The following ATP11A variants were observed in gnomAD, a reference collection of about 807,000 sequenced individuals.
The protein encoded by ATP11A is phospholipid-transporting ATPase IH.
Under a neutral mutation model 154.4 loss-of-function variants are expected in ATP11A, and 81 were observed. The observed-to-expected ratio is 0.52, with a 90% CI of 0.44 to 0.63. ATP11A has a LOEUF of 0.63. ATP11A is among the 30% of genes least tolerant of loss of function. ATP11A has a pLI of 0.00. For missense variants in ATP11A, 1,316 were observed against 1,474.3 expected (o/e 0.89, Z 1.76); for synonymous variants, 623 against 585.9 (o/e 1.06, Z -0.91).
At chr13:112,833,391 C>T (rs1594117738) in intron 14 of ATP11A, among the ~76,000 whole-genome samples, 1 of 152,310 alleles carries the variant, frequency 6.6e-6, no homozygotes, top group South Asian at 2.1e-4. Flanking sequence ...AGCCCAGAGG[C>T]CCAGCGGCCT....
intron 2 of ATP11A, among the ~76,000 whole-genome samples, chr13:112,793,539 C>T (rs560864949): frequency 6.6e-6 from 1 of 152,284 alleles, no homozygotes; most frequent in South Asian, 2.1e-4. Context: ...TGGGTGCTCA[C>T]GAATTTCCGG....
chr13:112,846,574 C>T (rs17121787), intron 17 of ATP11A, among the ~76,000 whole-genome samples: 270 of 152,256 alleles, frequency 1.8e-3, no homozygotes, highest in Admixed American at 4.6e-3. Flanking sequence ...TGTGTGATAA[C>T]GGTGGCAGTG....
chr13:112,765,016 G>A lies in ATP11A; in HGVS notation c.40-20119G>A, dbSNP rs552307888. ...GGGACATCTTGGCAGCCTCCCCACC[G>A]CACGCTTTTCTTGCAAGTCCTTTGA... On this transcript the variant is annotated intron_variant, in intron 1 of 29. Transcript: ENST00000375645. Among the ~76,000 whole-genome samples the A allele has an allele frequency of 1.1e-4, 16 of 152,242 alleles. No individual in the cohort carries two copies. In the South Asian group the frequency reaches 2.5e-3, roughly 24 times the overall value.
At position 112,697,198 on chromosome 13, in the gene ATP11A, G is replaced by A. The variant is rs1885968307; in HGVS notation, c.39+6743G>A. Reference sequence around the variant, plus strand: ...GCTGGCCGCCCCTCGGTGGGCTCCGGTGCTGGCCTCTGCCTTCCCCAGGGC... The same window carrying A: ...GCTGGCCGCCCCTCGGTGGGCTCCGATGCTGGCCTCTGCCTTCCCCAGGGC... On this transcript the variant is annotated intron_variant, in intron 1 of 29. Coordinates refer to ENST00000375645, the MANE Select transcript of ATP11A (RefSeq NM_015205.3). The surrounding 1 kb of genome is among the most constrained non-coding windows in gnomAD (Gnocchi z 4.0). 6.6e-6 allele frequency among the ~76,000 whole-genome samples: 1 copy of A among 152,094 alleles called. No individual in the cohort carries two copies.
At chr13:112,726,461 G>T (rs1889904006) in intron 1 of ATP11A, among the ~76,000 whole-genome samples, 1 of 152,224 alleles carries the variant, frequency 6.6e-6, no homozygotes, top group Non-Finnish European at 1.5e-5. Flanking sequence ...GGTGCTGGGG[G>T]ACAGGCCTAA....
At chr13:112,847,291 C>T (rs993693204) in intron 17 of ATP11A, among the ~76,000 whole-genome samples, 3 of 152,222 alleles carry the variant, frequency 2.0e-5, no homozygotes, top group Non-Finnish European at 2.9e-5. Context: ...TTTCTCCTTT[C>T]GCTGGCTGTG....
At chr13:112,745,100 T>C (rs1891978356) in intron 1 of ATP11A, among the ~76,000 whole-genome samples, 1 of 152,258 alleles carries the variant, frequency 6.6e-6, no homozygotes, top group Admixed American at 6.5e-5. Flanking sequence ...AGTCTTACTC[T>C]GTTGCTGAGG....
In ATP11A at chr13:112,858,153, G is replaced by T. The variant is rs182420615; in HGVS notation, c.2530G>T (p.Gly844Cys). 1 of 1,613,252 alleles carries T rather than the reference G, an allele frequency of 6.2e-7. No individual in the cohort carries two copies. Among genetic ancestry groups the T allele is most frequent in the African/African-American group, 1.3e-5 (1 of 74,924 alleles). ...LEAHVGIGVIGKEGRQAARNS... is the reference protein window; with the variant it reads ...LEAHVGIGVICKEGRQAARNS... ...TCACCTCCGTCTTCTAGGTGTCATC[G>T]GCAAGGAAGGCCGCCAGGCTGCCAG... The change falls in exon 22 of 30, where the codon GGC (glycine) becomes TGC (cysteine). Residue 844 changes from glycine (G) to cysteine (C), a missense_variant. By Grantham distance (159) the Gly-to-Cys change is radical (BLOSUM62 -3). Around this residue, in one of 5 missense-constraint regions of ATP11A, gnomAD observed 876 missense variants for 1,006.8 expected, o/e 0.87. Transcript: ENST00000375645.
rs1230906334 is a variant in ATP11A at position 112,859,330 on chromosome 13, G to A, written c.2668-63G>A. ...CCTCCCATGTGGGGTGGGCCACGTC[G>A]GTAGGTGGCGGCTGCCTCCCTCTGT... On this transcript the variant is annotated intron_variant, in intron 22 of 29. Coordinates refer to ENST00000375645, the MANE Select transcript of ATP11A (RefSeq NM_015205.3). The surrounding 1 kb of genome is among the most constrained non-coding windows in gnomAD (Gnocchi z 4.3). 20 of 1,427,630 alleles carry A rather than the reference G, an allele frequency of 1.4e-5. 1 individual carries two copies. Among genetic ancestry groups the A allele is most frequent in the East Asian group, 6.8e-5 (3 of 43,928 alleles). 88.4% of individuals were successfully genotyped at this position (1,427,630 alleles called of 1,614,324 possible). A position where few individuals can be genotyped will look rare whatever the true frequency, so the allele number is the denominator to read the frequency against.
At chr13:112,761,552 G>C (rs9603941) in intron 1 of ATP11A, among the ~76,000 whole-genome samples, 35 of 147,296 alleles carry the variant, frequency 2.4e-4, no homozygotes, top group Middle Eastern at 7.0e-3. Context: ...TTTCAGGAAT[G>C]CCCTGGGGTC....
rs778305258 is a variant in ATP11A at position 112,785,100 on chromosome 13, G to C, written c.40-35G>C. On this transcript the variant is annotated intron_variant, in intron 1 of 29. Coordinates refer to ENST00000375645, the MANE Select transcript of ATP11A (RefSeq NM_015205.3). The surrounding 1 kb of genome is among the most constrained non-coding windows in gnomAD (Gnocchi z 4.8). ...GGCAAGAGCTTTTGATGCAGGTTCT[G>C]AGGCAGCTGCCTAACACCGCTCTCC... 1.1e-5 allele frequency: 16 copies of C among 1,419,294 alleles called. No individual in the cohort carries two copies. Among genetic ancestry groups the C allele is most frequent in the Non-Finnish European group, 1.5e-5 (16 of 1,078,248 alleles). 87.9% of individuals were successfully genotyped at this position (1,419,294 alleles called of 1,614,324 possible). A position where few individuals can be genotyped will look rare whatever the true frequency, so the allele number is the denominator to read the frequency against.
At chr13:112,857,723 C>A in intron 20 of ATP11A, 95 bp from the exon 21 acceptor site, 1 of 1,031,822 alleles carries the variant, frequency 9.7e-7, no homozygotes, top group Non-Finnish European at 1.5e-6. Context: ...TTTGCCTAGG[C>A]TAACTTTTCA....
chr13:112,844,679 C>T (rs1184477403), intron 17 of ATP11A, among the ~76,000 whole-genome samples: 2 of 151,976 alleles, frequency 1.3e-5, no homozygotes, highest in East Asian at 3.9e-4. Context: ...AACAGCAGCA[C>T]TCGTTCAGTT....
chr13:112,862,626 C>T (rs1288873716), intron 25 of ATP11A, 51 bp downstream of exon 25: 1 of 1,610,894 alleles, frequency 6.2e-7, no homozygotes, highest in Non-Finnish European at 8.5e-7. Context: ...AATAAAGCCT[C>T]CCAAGCCCAT....
chr13:112,702,887 T>G (rs981749168), intron 1 of ATP11A, among the ~76,000 whole-genome samples: 5 of 152,254 alleles, frequency 3.3e-5, no homozygotes, highest in African/African-American at 1.2e-4. Context: ...ATGAGAATCA[T>G]GTTAACACAC....
At chr13:112,778,981 G>C in intron 1 of ATP11A, among the ~76,000 whole-genome samples, 1 of 99,404 alleles carries the variant, frequency 1.0e-5, no homozygotes, top group Non-Finnish European at 2.3e-5. Context: ...GCTGGAGTGA[G>C]GAGTAGCCGC....
chr13:112,883,175 C>G lies in ATP11A; in HGVS notation c.*1309C>G, dbSNP rs1019651532. On this transcript the variant is annotated 3_prime_UTR_variant, in exon 30 of 30. Coordinates refer to ENST00000375645, the MANE Select transcript of ATP11A (RefSeq NM_015205.3). ...GTCCCGTCCCCACATACCCTCGTCC[C>G]CATGTCCCCACGCAGGGCTCTCCTT... The G allele has an allele frequency of 2.8e-5, 11 of 398,726 alleles. No homozygotes were observed. Among genetic ancestry groups the G allele is most frequent in the African/African-American group, 1.6e-4 (8 of 48,652 alleles). 24.7% of individuals were successfully genotyped at this position (398,726 alleles called of 1,614,324 possible).
intron 1 of ATP11A, among the ~76,000 whole-genome samples, chr13:112,756,297 C>T (rs942470176): frequency 2.0e-5 from 3 of 152,208 alleles, no homozygotes; most frequent in Non-Finnish European, 2.9e-5. Flanking sequence ...AACTAAGGGT[C>T]ATGTCCATCG....
intron 12 of ATP11A, among the ~76,000 whole-genome samples, chr13:112,829,330 C>A (rs1049073218): frequency 2.0e-5 from 3 of 152,182 alleles, no homozygotes; most frequent in Non-Finnish European, 2.9e-5. Context: ...TGCAAAAATC[C>A]TCAACAAAAT....
Sources: gnomAD v4.1 joint callset for allele counts (sites outside exome capture counted in the v4.1 genomes callset) on GRCh38, gnomAD v4.1.1 for gene constraint, gnomAD v4.1.1 regional missense constraint, Gnocchi (gnomAD v3.1) non-coding constraint, MANE v1.5 for transcripts, NCBI Gene and HGNC (gene_info 2026-07-23, HGNC 2026-07-21) for gene names.